The following EML5 variants were observed in gnomAD, a reference collection of about 807,000 sequenced individuals.
The protein encoded by EML5 is EMAP like 5, also known as echinoderm microtubule-associated protein-like 5.
EML5 carries 120 observed loss-of-function variants against 250.0 expected under a neutral mutation model. That is an observed-to-expected ratio of 0.48 (90% CI 0.41 to 0.56). The LOEUF (loss-of-function observed/expected upper bound fraction) is 0.56, where lower values mean the gene tolerates loss of function less well. Ranked by LOEUF, EML5 falls within the 20% of genes least tolerant of loss-of-function variation. EML5 has a pLI of 0.00. For synonymous variants in EML5, 771 were observed against 806.5 expected, an observed-to-expected ratio of 0.96 and a Z score of 0.75; for missense variants, 2,006 against 2,437.6, an observed-to-expected ratio of 0.82 and a Z score of 3.73.
intron 17 of EML5, among the ~76,000 whole-genome samples, chr14:88,690,998 G>A (rs187994910): frequency 1.3e-5 from 2 of 152,332 alleles, no homozygotes; most frequent in East Asian, 3.9e-4. Context: ...TCTGCACCCA[G>A]GGTCTGCCTC....
chr14:88,618,127 A>G (rs1478036878), intron 41 of EML5, 101 bp downstream of exon 41: 2 of 904,292 alleles, frequency 2.2e-6, no homozygotes, highest in Non-Finnish European at 3.3e-6. Context: ...CTTGAAACTC[A>G]ATTACTATTC....
At chr14:88,654,432 C>T (rs1285609842) in intron 27 of EML5, among the ~76,000 whole-genome samples, 1 of 152,172 alleles carries the variant, frequency 6.6e-6, no homozygotes, top group Non-Finnish European at 1.5e-5. Context: ...ATACATTTCC[C>T]TCTAAAGACT....
chr14:88,680,596 T>C (rs1327731688), intron 21 of EML5, among the ~76,000 whole-genome samples: 1 of 152,158 alleles, frequency 6.6e-6, no homozygotes, highest in Non-Finnish European at 1.5e-5. Flanking sequence ...GGGACATACA[T>C]TAACTGTACT....
intron 17 of EML5, among the ~76,000 whole-genome samples, chr14:88,689,371 T>C (rs1337114401): frequency 6.6e-6 from 1 of 152,206 alleles, no homozygotes; most frequent in Non-Finnish European, 1.5e-5. Flanking sequence ...TCCTTGTTTC[T>C]CACCTTTGGG....
chr14:88,636,192 C>T (rs1345893706), intron 32 of EML5, among the ~76,000 whole-genome samples: 2 of 152,140 alleles, frequency 1.3e-5, no homozygotes, highest in African/African-American at 4.8e-5. Context: ...AGAGAAAAGG[C>T]TCATGCAGGG....
rs752884338 is a variant in EML5, at chr14:88,740,468, T to A, written c.630A>T (p.Leu210Phe). The stretch of plus-strand genomic sequence containing the variant: ...CCCCATTGAGTGCACCAGAATATGT[T>A]AATTCATCCCTTGCACAGGCTAGGC... ...ILCLACARDE[L>F]TYSGALNGDI... The change falls in exon 5 of 44, where the codon TTA becomes TTT. Residue 210 changes from leucine to phenylalanine, a missense_variant. Leu to Phe is a conservative substitution (Grantham distance 22, BLOSUM62 0). Coordinates refer to ENST00000554922, the MANE Select transcript of EML5 (RefSeq NM_183387.3). 6.2e-7 allele frequency: 1 copy of A among 1,613,908 alleles called. No homozygotes were observed. Among genetic ancestry groups the A allele is most frequent in the Non-Finnish European group, 8.5e-7 (1 of 1,179,826 alleles).
At chr14:88,758,051 C>A (rs1199952753) in intron 1 of EML5, among the ~76,000 whole-genome samples, 1 of 142,150 alleles carries the variant, frequency 7.0e-6, no homozygotes, top group Non-Finnish European at 1.5e-5. Context: ...GAGATGGGGT[C>A]TCCCTATGTT....
At chr14:88,664,290 A>AT (rs398026077) in intron 23 of EML5, among the ~76,000 whole-genome samples, 1 of 148,598 alleles carries the variant, frequency 6.7e-6, no homozygotes, top group Non-Finnish European at 1.5e-5. Flanking sequence ...AAAAAAAAAA[A>AT]GAAAAGAAAA....
intron 3 of EML5, among the ~76,000 whole-genome samples, chr14:88,745,767 TA>T (rs1164053210): frequency 6.6e-6 from 1 of 152,162 alleles, no homozygotes; most frequent in Admixed American, 6.5e-5. Context: ...AAAACTGTTT[TA>T]AAAAATGTAA....
chr14:88,742,086 C>T (rs1480359466), intron 4 of EML5, among the ~76,000 whole-genome samples: 1 of 152,086 alleles, frequency 6.6e-6, no homozygotes, highest in Non-Finnish European at 1.5e-5. Flanking sequence ...CCTGGGAAAT[C>T]ATAAAATGGG....
chr14:88,766,219 A>C (rs1566774998), intron 1 of EML5, among the ~76,000 whole-genome samples: 1 of 152,230 alleles, frequency 6.6e-6, no homozygotes, highest in Non-Finnish European at 1.5e-5. Context: ...TGAAAAAAGA[A>C]CAGGATAACA....
chr14:88,759,874 A>T (rs1299230451), intron 1 of EML5, among the ~76,000 whole-genome samples: 1 of 152,142 alleles, frequency 6.6e-6, no homozygotes, highest in East Asian at 1.9e-4. Flanking sequence ...CACTCTCACC[A>T]GCAATGTAAG....
intron 22 of EML5, 88 bp downstream of exon 22, chr14:88,665,249 C>T: frequency 7.2e-7 from 1 of 1,385,574 alleles, no homozygotes; most frequent in Non-Finnish European, 9.7e-7. Flanking sequence ...TCTGAGATAA[C>T]ATAACAGTTA....
At chr14:88,726,323 GCTT>G (rs2093665834) in intron 8 of EML5, among the ~76,000 whole-genome samples, 1 of 151,848 alleles carries the variant, frequency 6.6e-6, no homozygotes, top group Non-Finnish European at 1.5e-5. Context: ...CCAAACCAAG[GCTT>G]CTGAATTTAT....
At chr14:88,702,653 T>C (rs757694446) in intron 13 of EML5, 21 bp from the exon 14 acceptor site, 7 of 1,493,194 alleles carry the variant, frequency 4.7e-6, no homozygotes, top group South Asian at 1.3e-5. Context: ...AAACAAATCA[T>C]ATATAATTAA....
chr14:88,683,497 A>G (rs1446463634), intron 20 of EML5, among the ~76,000 whole-genome samples: 2 of 152,254 alleles, frequency 1.3e-5, no homozygotes. Flanking sequence ...TACAGCCATT[A>G]TTACCCTGAT....
intron 10 of EML5, among the ~76,000 whole-genome samples, chr14:88,711,942 CAAA>C (rs796154018): frequency 8.2e-5 from 8 of 97,136 alleles, no homozygotes; most frequent in Admixed American, 1.1e-4. Context: ...GACCCTGTCT[CAAA>C]AAAAAAAAAA....
At chr14:88,705,461 C>T (rs2093299725) in intron 12 of EML5, 21 bp downstream of exon 12, 2 of 1,535,740 alleles carry the variant, frequency 1.3e-6, no homozygotes, top group African/African-American at 1.4e-5. Flanking sequence ...TAGAGAAAAA[C>T]CATGTGATAT....
intron 4 of EML5, 119 bp downstream of exon 4, chr14:88,743,904 C>T (rs749691579): frequency 3.3e-5 from 17 of 507,478 alleles, no homozygotes; most frequent in Admixed American, 8.0e-5. Context: ...AAAAACATTG[C>T]CATTTTAAAA....
Sources: allele counts gnomAD v4.1 joint callset (sites outside exome capture counted in the v4.1 genomes callset), GRCh38; gene constraint gnomAD v4.1.1; transcripts MANE v1.5; gene names NCBI Gene and HGNC (gene_info 2026-07-23, HGNC 2026-07-21).